Variants in CPHXL2 observed in about 807,000 individuals in gnomAD.
The protein encoded by CPHXL2 is cytoplasmic polyadenylated homeobox-like protein 2.
the CPHXL2 span, chr16:75,669,631 C>A: frequency 1.0e-5 from 4 of 397,512 alleles, no homozygotes; most frequent in Non-Finnish European, 1.8e-5. Context: ...AGTGTTAGCA[C>A]CATTGATTCC....
chr16:75,668,227 A>G, the CPHXL2 span, among the ~76,000 whole-genome samples: 2 of 94,074 alleles, frequency 2.1e-5, no homozygotes, highest in Non-Finnish European at 3.4e-5. Flanking sequence ...ATATATACAT[A>G]TATATTTTTT....
the CPHXL2 span, among the ~76,000 whole-genome samples, chr16:75,676,623 C>T: frequency 2.0e-5 from 3 of 152,176 alleles, no homozygotes; most frequent in Non-Finnish European, 4.4e-5. Flanking sequence ...CTTCCAGCCT[C>T]AATTGCTCTC....
the CPHXL2 span, among the ~76,000 whole-genome samples, chr16:75,674,449 C>T: frequency 6.6e-6 from 1 of 150,438 alleles, no homozygotes; most frequent in Admixed American, 6.6e-5. Context: ...TAAAGTAGAC[C>T]TAAATAAATG....
At chr16:75,665,198 T>C in the CPHXL2 span, among the ~76,000 whole-genome samples, 1 of 152,050 alleles carries the variant, frequency 6.6e-6, no homozygotes, top group Non-Finnish European at 1.5e-5. Context: ...TCGTCTAAAA[T>C]TAAGATGAAG....
At chr16:75,675,576 A>G in the CPHXL2 span, among the ~76,000 whole-genome samples, 3 of 152,170 alleles carry the variant, frequency 2.0e-5, no homozygotes, top group Non-Finnish European at 4.4e-5. Flanking sequence ...CTAGAGCATC[A>G]AACAGTGGTG....
chr16:75,674,561 C>T, the CPHXL2 span, among the ~76,000 whole-genome samples: 2 of 151,966 alleles, frequency 1.3e-5, no homozygotes, highest in Non-Finnish European at 2.9e-5. Flanking sequence ...TATCAAAATC[C>T]CAGCTAACTG....
At chr16:75,667,207 G>T in the CPHXL2 span, among the ~76,000 whole-genome samples, 3 of 151,524 alleles carry the variant, frequency 2.0e-5, no homozygotes, top group African/African-American at 7.3e-5. Flanking sequence ...AGTTAGTCAG[G>T]AGACTGAGGC....
chr16:75,664,261 A>T, the CPHXL2 span, among the ~76,000 whole-genome samples: 1 of 152,210 alleles, frequency 6.6e-6, no homozygotes, highest in African/African-American at 2.4e-5. Flanking sequence ...GCTGTGTCAC[A>T]GGCATGTTCT....
the CPHXL2 span, chr16:75,661,036 G>C: frequency 1.0e-5 from 4 of 400,726 alleles, no homozygotes; most frequent in Admixed American, 1.3e-4. Flanking sequence ...GCAATCCTCT[G>C]TTTCTCCAGA....
chr16:75,675,995 C>G, the CPHXL2 span, among the ~76,000 whole-genome samples: 1 of 152,108 alleles, frequency 6.6e-6, no homozygotes, highest in Admixed American at 6.6e-5. Flanking sequence ...AGGAGAATCG[C>G]TTGAACCTGG....
At chr16:75,660,312 C>G in the CPHXL2 span, 1 of 398,570 alleles carries the variant, frequency 2.5e-6, no homozygotes, top group Non-Finnish European at 4.4e-6. Context: ...GTGTAGACCC[C>G]TCAACCTAAA....
chr16:75,661,634 G>A, the CPHXL2 span, among the ~76,000 whole-genome samples: 14 of 151,878 alleles, frequency 9.2e-5, no homozygotes. Flanking sequence ...GACGTGGATT[G>A]TTCCTACAAC....
At chr16:75,674,506 T>A in the CPHXL2 span, among the ~76,000 whole-genome samples, 1 of 152,138 alleles carries the variant, frequency 6.6e-6, no homozygotes, top group Non-Finnish European at 1.5e-5. Context: ...GCTAATATAA[T>A]TATGTTCAAG....
At chr16:75,675,807 G>T in the CPHXL2 span, among the ~76,000 whole-genome samples, 1 of 152,140 alleles carries the variant, frequency 6.6e-6, no homozygotes, top group South Asian at 2.1e-4. Flanking sequence ...GGCCAGGCAT[G>T]GTGGCTCACA....
chr16:75,664,355 G>A, the CPHXL2 span, among the ~76,000 whole-genome samples: 1 of 152,302 alleles, frequency 6.6e-6, no homozygotes, highest in African/African-American at 2.4e-5. Flanking sequence ...GCCGGGTGCA[G>A]TGGCTCATGC....
the CPHXL2 span, among the ~76,000 whole-genome samples, chr16:75,667,546 G>A: frequency 6.6e-6 from 1 of 152,090 alleles, no homozygotes; most frequent in African/African-American, 2.4e-5. Flanking sequence ...AATTTTTATA[G>A]TGATTAACAG....
the CPHXL2 span, among the ~76,000 whole-genome samples, chr16:75,667,626 G>A: frequency 6.6e-6 from 1 of 152,314 alleles, no homozygotes; most frequent in African/African-American, 2.4e-5. Flanking sequence ...GCAGATAATT[G>A]TAAAGCCCTT....
At chr16:75,667,319 A>AAG in the CPHXL2 span, among the ~76,000 whole-genome samples, 2 of 151,952 alleles carry the variant, frequency 1.3e-5, no homozygotes, top group African/African-American at 4.8e-5. Context: ...TTCCAAAAAA[A>AAG]AAAAAAAAAA....
chr16:75,663,051 C>T, the CPHXL2 span, among the ~76,000 whole-genome samples: 3 of 152,190 alleles, frequency 2.0e-5, no homozygotes, highest in Admixed American at 1.3e-4. Flanking sequence ...CCGCCCGCCT[C>T]GGCCTCCCAA....
Sources: gnomAD v4.1 joint callset for allele counts (sites outside exome capture counted in the v4.1 genomes callset) on GRCh38, gnomAD v4.1.1 for gene constraint, MANE v1.5 for transcripts, NCBI Gene and HGNC (gene_info 2026-07-23, HGNC 2026-07-21) for gene names.